Variants in PAPPA2 observed in about 807,000 individuals in gnomAD.
PAPPA2 encodes the protein pappalysin-2.
A neutral mutation model predicts 176.4 loss-of-function variants in PAPPA2; 86 were observed. The ratio of observed to expected loss-of-function variants is 0.49; its 90% CI spans 0.41 to 0.58. The LOEUF is 0.58. PAPPA2 is among the 20% of genes least tolerant of loss of function. The pLI, the probability that PAPPA2 is intolerant of heterozygous loss-of-function variation, is 0.00. For missense variants in PAPPA2, 2,073 were observed against 2,256.9 expected, an observed-to-expected ratio of 0.92 and a Z score of 1.65; for synonymous variants, 809 against 852.2, an observed-to-expected ratio of 0.95 and a Z score of 0.88.
intron 3 of PAPPA2, among the ~76,000 whole-genome samples, chr1:176,654,535 T>A (rs1657920084): frequency 6.6e-6 from 1 of 150,978 alleles, no homozygotes; most frequent in African/African-American, 2.4e-5. Context: ...TCCAGCTATT[T>A]TTTTTTTCTT....
At chr1:176,756,766 T>G (rs1255607291) in intron 14 of PAPPA2, among the ~76,000 whole-genome samples, 1 of 152,074 alleles carries the variant, frequency 6.6e-6, no homozygotes, top group Admixed American at 6.5e-5. Flanking sequence ...AATGTGCAGG[T>G]TTGTTACATA....
At chr1:176,623,758 C>CCTTCCTTTCTTTCTTTCTTTCCTTCTTT in intron 3 of PAPPA2, among the ~76,000 whole-genome samples, 1 of 59,064 alleles carries the variant, frequency 1.7e-5, no homozygotes, top group East Asian at 4.1e-4. Flanking sequence ...TTCCTTCCTT[C>CCTTCCTTTCTTTCTTTCTTTCCTTCTTT]CTTTCTTTCT....
chr1:176,795,017 A>G (rs149426599), intron 20 of PAPPA2, among the ~76,000 whole-genome samples: 4 of 152,262 alleles, frequency 2.6e-5, no homozygotes, highest in Admixed American at 6.5e-5. Context: ...CGAATCGTCA[A>G]TGGTGATGCC....
chr1:176,514,420 C>T (rs1648787199), intron 1 of PAPPA2, among the ~76,000 whole-genome samples: 1 of 152,188 alleles, frequency 6.6e-6, no homozygotes, highest in South Asian at 2.1e-4. Flanking sequence ...GGCTCCACCT[C>T]CAACACTGGG....
At chr1:176,740,611 G>A (rs925388656) in intron 14 of PAPPA2, among the ~76,000 whole-genome samples, 4 of 152,136 alleles carry the variant, frequency 2.6e-5, no homozygotes, top group Admixed American at 6.5e-5. Flanking sequence ...GCTTGCTAGG[G>A]TGTGTCATAT....
chr1:176,728,341 G>A (rs539270165), intron 12 of PAPPA2, among the ~76,000 whole-genome samples: 1 of 151,952 alleles, frequency 6.6e-6, no homozygotes, highest in African/African-American at 2.4e-5. Flanking sequence ...ATTTCACTTA[G>A]TATCACAGTT....
chr1:176,573,772 G>A (rs1360888382), intron 2 of PAPPA2, among the ~76,000 whole-genome samples: 1 of 152,164 alleles, frequency 6.6e-6, no homozygotes. Context: ...GGAGTGACAA[G>A]TCTGGTTATG....
chr1:176,567,061 T>C (rs1199290067), intron 2 of PAPPA2, among the ~76,000 whole-genome samples: 1 of 152,184 alleles, frequency 6.6e-6, no homozygotes, highest in East Asian at 1.9e-4. Context: ...ATACACCCCC[T>C]GGCCCTAGAA....
intron 2 of PAPPA2, among the ~76,000 whole-genome samples, chr1:176,590,869 T>C (rs1297681584): frequency 1.3e-5 from 2 of 152,188 alleles, no homozygotes; most frequent in Non-Finnish European, 2.9e-5. Context: ...ATCTTGGTTC[T>C]AGTGCACTCT....
intron 21 of PAPPA2, among the ~76,000 whole-genome samples, chr1:176,824,546 T>C (rs1666782471): frequency 6.6e-6 from 1 of 152,202 alleles, no homozygotes; most frequent in South Asian, 2.1e-4. Flanking sequence ...ATTTTTTAAT[T>C]AGAGAAACCA....
At chr1:176,623,705 TC>T (rs879439296) in intron 3 of PAPPA2, among the ~76,000 whole-genome samples, 57 of 114,358 alleles carry the variant, frequency 5.0e-4, no homozygotes, top group South Asian at 2.9e-3. Flanking sequence ...TTCCTTTCTT[TC>T]TTTTCTTCTT....
chr1:176,656,859 G>GT (rs201231210), intron 3 of PAPPA2, among the ~76,000 whole-genome samples: 165 of 149,886 alleles, frequency 1.1e-3, no homozygotes, highest in Middle Eastern at 3.4e-3. Context: ...TAGACTTTCT[G>GT]TTTTTTTTTG....
rs1373305375 is a variant in PAPPA2 at position 176,472,690 on chromosome 1, C to A, written c.-917+9272C>A. 2.6e-5 allele frequency among the ~76,000 whole-genome samples: 4 copies of A among 152,048 alleles called. No homozygotes were observed. The East Asian group carries it at 7.7e-4, about 29-fold the overall frequency. ...TAAAAAATAAATAACCTTATGAGCT[C>A]ATTTTGAAACTTCCAGTACAACTTT... On this transcript the variant is annotated intron_variant, in intron 1 of 22. Transcript: ENST00000367662.
chr1:176,719,622 A>G (rs1661530984), intron 12 of PAPPA2, among the ~76,000 whole-genome samples: 1 of 152,102 alleles, frequency 6.6e-6, no homozygotes, highest in South Asian at 2.1e-4. Context: ...TTTCATTTAT[A>G]TCGATAATTT....
At chr1:176,611,543 T>C (rs571937811) in intron 3 of PAPPA2, among the ~76,000 whole-genome samples, 3 of 152,316 alleles carry the variant, frequency 2.0e-5, no homozygotes, top group African/African-American at 7.2e-5. Context: ...CTGTCATATT[T>C]GTACCTTTCT....
In PAPPA2 at chr1:176,557,193, G is replaced by T; in HGVS notation, c.871G>T (p.Ala291Ser). 6.2e-7 allele frequency: 1 copy of T among 1,611,850 alleles called. No homozygotes were observed. The highest frequency in any genetic ancestry group is 2.2e-5 in the East Asian group (1 of 44,762). Residue 291 changes from alanine to serine, a missense_variant, in exon 2 of 23, where the codon GCC becomes TCC. Physicochemically the swap from Ala to Ser is moderately conservative, Grantham distance 99. This residue lies in a region of PAPPA2 where 1,196 missense variants were observed against 1,330.4 expected (regional missense o/e 0.90). Transcript: ENST00000367662. ...EIPREAFTVE[A>S]WVKPEGGQNN... ...TCCCCGGGAGGCGTTCACAGTGGAA[G>T]CCTGGGTTAAACCGGAGGGAGGACA...
intron 1 of PAPPA2, among the ~76,000 whole-genome samples, chr1:176,506,751 G>A (rs1485317141): frequency 2.6e-5 from 4 of 152,054 alleles, no homozygotes; most frequent in Non-Finnish European, 4.4e-5. Flanking sequence ...CAGCCTTTTT[G>A]TGTAGTCTTT....
At chr1:176,765,888 T>C in intron 15 of PAPPA2, 51 bp downstream of exon 15, 1 of 1,589,480 alleles carries the variant, frequency 6.3e-7, no homozygotes, top group Non-Finnish European at 8.6e-7. Context: ...GAAGGGGAGG[T>C]ATTCACACTC....
intron 2 of PAPPA2, among the ~76,000 whole-genome samples, chr1:176,582,571 A>G (rs1386729648): frequency 6.6e-6 from 1 of 152,166 alleles, no homozygotes; most frequent in Non-Finnish European, 1.5e-5. Flanking sequence ...AAATGAATAA[A>G]TAATTTTTGC....
Sources: allele counts gnomAD v4.1 joint callset (sites outside exome capture counted in the v4.1 genomes callset), GRCh38; gene constraint gnomAD v4.1.1; regional missense constraint gnomAD v4.1.1; transcripts MANE v1.5; gene names NCBI Gene and HGNC (gene_info 2026-07-23, HGNC 2026-07-21).